The following LYPLAL1 variants were observed in gnomAD, a reference collection of about 807,000 sequenced individuals.
LYPLAL1 encodes lysophospholipase-like protein 1.
LYPLAL1 carries 23 observed loss-of-function variants against 19.7 expected under a neutral mutation model. The ratio of observed to expected loss-of-function variants is 1.17; its 90% CI spans 0.84 to 1.65. LYPLAL1 has a LOEUF of 1.65. Ranked by LOEUF, LYPLAL1 falls within the 40% of genes most tolerant of loss-of-function variation. The pLI is 0.00. For synonymous variants in LYPLAL1, 119 were observed against 96.3 expected (o/e 1.24, Z -1.38); for missense variants, 355 against 279.4 (o/e 1.27, Z -1.93).
the LYPLAL1 span, among the ~76,000 whole-genome samples, chr1:219,373,863 CAAA>C: frequency 5.9e-3 from 600 of 102,214 alleles, 1 homozygote; most frequent in Middle Eastern, 0.022. Context: ...ATAAAATTGT[CAAA>C]AAAAAAAAAA....
chr1:219,445,241 G>T, the LYPLAL1 span, among the ~76,000 whole-genome samples: 38 of 151,624 alleles, frequency 2.5e-4, 1 homozygote, highest in East Asian at 1.9e-4. Context: ...AAATTGGTTT[G>T]CTGGAAAGGA....
the LYPLAL1 span, among the ~76,000 whole-genome samples, chr1:219,365,227 A>C: frequency 5.3e-5 from 8 of 152,132 alleles, no homozygotes; most frequent in Admixed American, 4.6e-4. Context: ...AGGATCAGTA[A>C]GTGATCCTCA....
chr1:219,413,378 G>A, the LYPLAL1 span, among the ~76,000 whole-genome samples: 3 of 151,870 alleles, frequency 2.0e-5, no homozygotes, highest in Admixed American at 6.6e-5. Context: ...TGGGCTTTTC[G>A]GACTGCCACT....
chr1:219,181,885 A>G (rs1572156825), intron 2 of LYPLAL1, among the ~76,000 whole-genome samples: 1 of 152,308 alleles, frequency 6.6e-6, no homozygotes, highest in East Asian at 1.9e-4. Flanking sequence ...CACTTAGCAT[A>G]GAACCTGACA....
chr1:219,195,903 T>G (rs1013128475), intron 3 of LYPLAL1, among the ~76,000 whole-genome samples: 7 of 152,082 alleles, frequency 4.6e-5, no homozygotes, highest in Non-Finnish European at 1.0e-4. Flanking sequence ...CCATGTGTTC[T>G]CATGGTTCAG....
chr1:219,209,031 A>G (rs912765627), intron 3 of LYPLAL1, among the ~76,000 whole-genome samples: 2 of 152,110 alleles, frequency 1.3e-5, no homozygotes, highest in East Asian at 1.9e-4. Flanking sequence ...AATTTTACAT[A>G]CAGTGTTAAG....
chr1:219,282,708 C>A, the LYPLAL1 span, among the ~76,000 whole-genome samples: 2 of 152,008 alleles, frequency 1.3e-5, no homozygotes, highest in Non-Finnish European at 2.9e-5. Flanking sequence ...TGATTTTCAA[C>A]TGAGAATTCT....
the LYPLAL1 span, among the ~76,000 whole-genome samples, chr1:219,282,555 C>T: frequency 1.4e-5 from 2 of 147,072 alleles, no homozygotes; most frequent in African/African-American, 2.5e-5. Context: ...ATATAGAATA[C>T]TTGAAATCAA....
At chr1:219,185,256 T>C (rs1049538130) in intron 2 of LYPLAL1, among the ~76,000 whole-genome samples, 43 of 152,026 alleles carry the variant, frequency 2.8e-4, no homozygotes, top group African/African-American at 9.6e-4. Context: ...ATTTCATTGC[T>C]GGTAATAATT....
At chr1:219,398,958 C>T in the LYPLAL1 span, among the ~76,000 whole-genome samples, 1 of 152,226 alleles carries the variant, frequency 6.6e-6, no homozygotes, top group South Asian at 2.1e-4. Flanking sequence ...CTGCTAGTCA[C>T]TACACTCCAA....
At chr1:219,206,889 TTTA>T (rs1658616944) in intron 3 of LYPLAL1, among the ~76,000 whole-genome samples, 1 of 151,960 alleles carries the variant, frequency 6.6e-6, no homozygotes, top group Non-Finnish European at 1.5e-5. Context: ...CTACTAATCT[TTTA>T]TTTACATTTT....
the LYPLAL1 span, among the ~76,000 whole-genome samples, chr1:219,301,664 C>T: frequency 1.3e-5 from 2 of 152,130 alleles, no homozygotes; most frequent in Non-Finnish European, 2.9e-5. Context: ...ACTTCAGTTA[C>T]TCAATTGCCC....
At chr1:219,191,751 T>C (rs994592002) in intron 2 of LYPLAL1, among the ~76,000 whole-genome samples, 4 of 151,514 alleles carry the variant, frequency 2.6e-5, no homozygotes, top group Non-Finnish European at 5.9e-5. Context: ...TAATCTCATA[T>C]TTAAAAAATT....
the LYPLAL1 span, among the ~76,000 whole-genome samples, chr1:219,288,609 A>G: frequency 6.6e-6 from 1 of 152,196 alleles, no homozygotes; most frequent in South Asian, 2.1e-4. Context: ...CTAAACCCAT[A>G]GGATATACAA....
the LYPLAL1 span, among the ~76,000 whole-genome samples, chr1:219,307,897 TG>T: frequency 6.6e-6 from 1 of 152,254 alleles, no homozygotes; most frequent in Non-Finnish European, 1.5e-5. Context: ...CCCAGCCATA[TG>T]GAACTGTAAG....
At chr1:219,322,466 A>G in the LYPLAL1 span, among the ~76,000 whole-genome samples, 1 of 152,204 alleles carries the variant, frequency 6.6e-6, no homozygotes, top group East Asian at 1.9e-4. Flanking sequence ...TTTTGGAACC[A>G]GATAACTCAT....
chr1:219,422,765 CTG>C, the LYPLAL1 span, among the ~76,000 whole-genome samples: 8 of 152,220 alleles, frequency 5.3e-5, no homozygotes, highest in African/African-American at 1.9e-4. Flanking sequence ...TTTTAACTAT[CTG>C]TGTGTGTGAA....
the LYPLAL1 span, among the ~76,000 whole-genome samples, chr1:219,229,284 ACAAGCATTTT>A: frequency 4.2e-5 from 6 of 143,970 alleles, no homozygotes; most frequent in African/African-American, 1.6e-4. Context: ...ATAGGTGAGG[ACAAGCATTTT>A]GAGAGAGAGA....
chr1:219,374,812 A>ATACAGTTTCTTCATT, the LYPLAL1 span, among the ~76,000 whole-genome samples: 8 of 152,216 alleles, frequency 5.3e-5, no homozygotes, highest in Non-Finnish European at 1.2e-4. Flanking sequence ...CAGCATGAGA[A>ATACAGTTTCTTCATT]TACAGTTTCT....
Sources: gnomAD v4.1 joint callset for allele counts (sites outside exome capture counted in the v4.1 genomes callset) on GRCh38, gnomAD v4.1.1 for gene constraint, MANE v1.5 for transcripts, NCBI Gene and HGNC (gene_info 2026-07-23, HGNC 2026-07-21) for gene names.